The following LEPR variants were observed in gnomAD, a reference collection of about 807,000 sequenced individuals.
LEPR encodes OB receptor.
Under a neutral mutation model 114.7 loss-of-function variants are expected in LEPR, and 56 were observed. The ratio of observed to expected loss-of-function variants is 0.49; its 90% CI spans 0.39 to 0.61. LEPR has a LOEUF of 0.61. Among genes scored for constraint, LEPR ranks in the 20% least tolerant of loss-of-function variants. LEPR has a pLI of 0.00. For synonymous variants in LEPR, 443 were observed against 461.4 expected (o/e 0.96, Z 0.51); for missense variants, 1,202 against 1,352.9 (o/e 0.89, Z 1.75).
chr1:65,499,395 C>T (rs1435029275), intron 2 of LEPR, among the ~76,000 whole-genome samples: 1 of 151,766 alleles, frequency 6.6e-6, no homozygotes, highest in Non-Finnish European at 1.5e-5. Flanking sequence ...CTGAATAATC[C>T]AAAATTTTCA....
At position 65,570,604 on chromosome 1, in the gene LEPR, T is replaced by A. The variant is rs150657671; in HGVS notation, c.172T>A (p.Ser58Thr). 1.9e-6 allele frequency: 3 copies of A among 1,613,902 alleles called. No individual in the cohort carries two copies. The African/African-American group carries it at 4.0e-5, about 22-fold the overall frequency. Residue 58 changes from serine (S) to threonine (T), a missense_variant, in exon 4 of 20, where the codon TCA (serine) becomes ACA (threonine). Ser to Thr is a moderately conservative substitution (Grantham distance 58). Transcript: ENST00000349533. ...LLPAGLSKNT[S>T]NSNGHYETAV... The stretch of plus-strand genomic sequence containing the variant: ...GCCTGCTGGACTCTCAAAGAATACT[T>A]CAAATTCGAATGGACATTATGAGAC...
At chr1:65,545,633 T>C (rs1390506587) in intron 2 of LEPR, among the ~76,000 whole-genome samples, 1 of 152,272 alleles carries the variant, frequency 6.6e-6, no homozygotes, top group African/African-American at 2.4e-5. Flanking sequence ...TCATATCCTT[T>C]GCCCACTTTT....
intron 5 of LEPR, among the ~76,000 whole-genome samples, chr1:65,591,306 T>A (rs1655678533): frequency 6.6e-6 from 1 of 152,064 alleles, no homozygotes; most frequent in Non-Finnish European, 1.5e-5. Flanking sequence ...TTGCATGGAG[T>A]GTTCTTGAAA....
At position 65,565,543 on chromosome 1, in the gene LEPR, C is replaced by A; in HGVS notation, c.-20-3C>A. The A allele has an allele frequency of 6.2e-7, 1 of 1,613,186 alleles. No homozygotes were observed. The highest frequency in any genetic ancestry group is 2.2e-5 in the East Asian group (1 of 44,782). ...GTTCTGATTTTAGATTTACCTTTTC[C>A]AGGTGTACTTCTCTGAAGTAAGATG... On this transcript the variant is annotated splice_polypyrimidine_tract_variant and splice_region_variant and intron_variant, in intron 2 of 19. Transcript: ENST00000349533.
At chr1:65,546,812 C>A (rs1185038809) in intron 2 of LEPR, among the ~76,000 whole-genome samples, 2 of 152,272 alleles carry the variant, frequency 1.3e-5, no homozygotes, top group East Asian at 1.9e-4. Flanking sequence ...CCTTCTCCTG[C>A]CTAATTGTCC....
At chr1:65,466,970 T>G (rs773426994) in intron 2 of LEPR, among the ~76,000 whole-genome samples, 13 of 152,224 alleles carry the variant, frequency 8.5e-5, no homozygotes, top group Non-Finnish European at 1.2e-4. Flanking sequence ...TGGGATGAGT[T>G]AGAACATGCT....
At chr1:65,446,559 A>G (rs1480981665) in intron 2 of LEPR, among the ~76,000 whole-genome samples, 3 of 152,176 alleles carry the variant, frequency 2.0e-5, no homozygotes, top group African/African-American at 7.2e-5. Flanking sequence ...GTACTTATTT[A>G]TAATCTTTCT....
At chr1:65,530,463 A>C (rs1650306078) in intron 2 of LEPR, among the ~76,000 whole-genome samples, 3 of 152,230 alleles carry the variant, frequency 2.0e-5, no homozygotes, top group Admixed American at 1.3e-4. Flanking sequence ...TACTCCATAG[A>C]GCAGCCCCAA....
intron 2 of LEPR, among the ~76,000 whole-genome samples, chr1:65,451,266 A>G (rs563384926): frequency 0.02 from 3,077 of 151,836 alleles, 97 homozygotes; most frequent in African/African-American, 0.07. Context: ...TGCTGTGCAG[A>G]AGCTCTTTAG....
intron 2 of LEPR, among the ~76,000 whole-genome samples, chr1:65,547,155 G>T (rs1651816145): frequency 6.6e-6 from 1 of 151,482 alleles, no homozygotes. Flanking sequence ...CAGGGATGAA[G>T]CCCACTTGAT....
intron 2 of LEPR, among the ~76,000 whole-genome samples, chr1:65,446,128 C>T (rs1646711042): frequency 6.6e-6 from 1 of 152,090 alleles, no homozygotes; most frequent in Non-Finnish European, 1.5e-5. Flanking sequence ...TATGTAGGAG[C>T]TGGATTTCTG....
At chr1:65,492,930 C>T (rs765722693) in intron 2 of LEPR, among the ~76,000 whole-genome samples, 8 of 151,636 alleles carry the variant, frequency 5.3e-5, no homozygotes, top group Non-Finnish European at 1.2e-4. Flanking sequence ...AAATCTGTGC[C>T]GCGGTGGTTT....
At position 65,633,960 on chromosome 1, in the gene LEPR, T is replaced by C; in HGVS notation, c.2674-2231T>C. On this transcript the variant is annotated intron_variant, in intron 19 of 19. Transcript: ENST00000349533. This position sits in a 1 kb window ranked among gnomAD's most constrained non-coding sequence, Gnocchi z 4.1. ...CTTCTAATCCAGCTTTCTTGTTTAA[T>C]TATGACCTAAATCTAATTTACTTCC... 1 of 985,408 alleles carries C rather than the reference T, an allele frequency of 1.0e-6. No individual in the cohort carries two copies. The highest frequency in any genetic ancestry group is 4.7e-5 in the South Asian group (1 of 21,286). The allele number at this position is 985,408 out of a possible 1,614,324, so 61.0% of individuals were successfully genotyped here. A position where few individuals can be genotyped will look rare whatever the true frequency, so the allele number is the denominator to read the frequency against.
intron 2 of LEPR, among the ~76,000 whole-genome samples, chr1:65,488,226 C>CTTTCTTTCTTTCTTTCTTTT (rs1165679914): frequency 5.9e-5 from 4 of 67,968 alleles, no homozygotes; most frequent in Admixed American, 1.5e-4. Flanking sequence ...CTCTCTCTCT[C>CTTTCTTTCTTTCTTTCTTTT]TCTTTCTTTC....
intron 16 of LEPR, among the ~76,000 whole-genome samples, 186 bp downstream of exon 16, chr1:65,618,332 T>TCTC (rs397797195): frequency 1.3e-5 from 2 of 151,602 alleles, no homozygotes; most frequent in East Asian, 4.0e-4. Context: ...TCTCTTCTCT[T>TCTC]TTCTTTTCTT....
intron 2 of LEPR, among the ~76,000 whole-genome samples, chr1:65,554,158 T>A (rs530688840): frequency 1.3e-3 from 193 of 152,110 alleles, no homozygotes; most frequent in African/African-American, 4.3e-3. Flanking sequence ...TGCTGGGAGG[T>A]GTCTCTCAGT....
At chr1:65,468,772 G>A (rs142030296) in intron 2 of LEPR, among the ~76,000 whole-genome samples, 3 of 152,260 alleles carry the variant, frequency 2.0e-5, no homozygotes, top group East Asian at 1.9e-4. Flanking sequence ...GTGCACATGC[G>A]GATGCATTGT....
chr1:65,477,321 A>G (rs1647170747), intron 2 of LEPR, among the ~76,000 whole-genome samples: 2 of 152,218 alleles, frequency 1.3e-5, no homozygotes, highest in South Asian at 4.1e-4. Context: ...TGTCAGCTCC[A>G]TAAGGGCAGA....
At chr1:65,530,459 A>G (rs960449433) in intron 2 of LEPR, among the ~76,000 whole-genome samples, 4 of 152,202 alleles carry the variant, frequency 2.6e-5, no homozygotes, top group African/African-American at 9.7e-5. Context: ...TGGCTACTCC[A>G]TAGAGCAGCC....
Sources: allele counts gnomAD v4.1 joint callset (sites outside exome capture counted in the v4.1 genomes callset), GRCh38; gene constraint gnomAD v4.1.1; non-coding constraint Gnocchi (gnomAD v3.1); transcripts MANE v1.5; gene names NCBI Gene and HGNC (gene_info 2026-07-23, HGNC 2026-07-21).